ELMO1: variants seen among roughly 807,000 people sequenced by gnomAD.
The protein encoded by ELMO1 is engulfment and cell motility protein 1.
ELMO1 carries 26 observed loss-of-function variants against 98.9 expected under a neutral mutation model. That is an observed-to-expected ratio of 0.26 (90% CI 0.19 to 0.36). ELMO1 has a LOEUF of 0.36. Among genes scored for constraint, ELMO1 ranks in the 10% least tolerant of loss-of-function variants. ELMO1 has a pLI of 1.00. For missense variants in ELMO1, 627 were observed against 935.2 expected, an observed-to-expected ratio of 0.67 and a Z score of 4.30; for synonymous variants, 346 against 346.0, an observed-to-expected ratio of 1.00 and a Z score of 0.00.
chr7:37,402,050 G>C (rs111979731), intron 1 of ELMO1, among the ~76,000 whole-genome samples: 5 of 152,246 alleles, frequency 3.3e-5, no homozygotes, highest in African/African-American at 1.2e-4. Context: ...CAGGTCTTTC[G>C]TTCCCTATGA....
intron 13 of ELMO1, among the ~76,000 whole-genome samples, chr7:37,161,977 G>A (rs2129330148): frequency 7.9e-6 from 1 of 126,422 alleles, no homozygotes; most frequent in East Asian, 2.4e-4. Flanking sequence ...CAAGTGAGGT[G>A]AGTTTGTAAA....
intron 16 of ELMO1, among the ~76,000 whole-genome samples, chr7:36,995,935 G>A (rs1390723563): frequency 1.3e-5 from 2 of 152,140 alleles, no homozygotes; most frequent in East Asian, 3.9e-4. Context: ...CCATGCAGAG[G>A]GGTGTAATTG....
intron 15 of ELMO1, among the ~76,000 whole-genome samples, chr7:37,045,450 T>C (rs566975118): frequency 6.6e-5 from 10 of 152,338 alleles, no homozygotes; most frequent in African/African-American, 2.4e-4. Context: ...AGAACTTATA[T>C]GGCATGTTAT....
chr7:37,419,059 G>C (rs996859020), intron 1 of ELMO1, among the ~76,000 whole-genome samples: 4 of 152,152 alleles, frequency 2.6e-5, no homozygotes, highest in African/African-American at 9.7e-5. Flanking sequence ...AGCCCGCAGA[G>C]GAGGATGCTG....
chr7:37,358,644 C>G (rs1015348067), intron 1 of ELMO1, among the ~76,000 whole-genome samples: 2 of 152,162 alleles, frequency 1.3e-5, no homozygotes, highest in African/African-American at 2.4e-5. Context: ...TCTTACTTTT[C>G]TCAGCCTTTC....
intron 4 of ELMO1, among the ~76,000 whole-genome samples, chr7:37,295,966 T>A (rs1256824772): frequency 6.6e-6 from 1 of 152,222 alleles, no homozygotes; most frequent in East Asian, 1.9e-4. Flanking sequence ...GTGAATACAT[T>A]CCCACCGTGT....
intron 16 of ELMO1, among the ~76,000 whole-genome samples, chr7:36,935,404 T>G (rs577069293): frequency 3.3e-5 from 5 of 151,476 alleles, no homozygotes; most frequent in Non-Finnish European, 7.4e-5. Context: ...GCCTTGTCCC[T>G]TCTAAAAAAA....
At chr7:37,087,913 G>A (rs953923264) in intron 15 of ELMO1, among the ~76,000 whole-genome samples, 3 of 152,182 alleles carry the variant, frequency 2.0e-5, no homozygotes, top group Non-Finnish European at 4.4e-5. Context: ...TTCTGAGGGA[G>A]CTGTAATGCC....
intron 16 of ELMO1, among the ~76,000 whole-genome samples, chr7:36,994,282 T>C (rs1792055344): frequency 6.6e-6 from 1 of 152,222 alleles, no homozygotes; most frequent in African/African-American, 2.4e-5. Context: ...CTCCCTTAAA[T>C]AAAGTTCTTC....
chr7:37,124,445 T>C (rs570457414), intron 14 of ELMO1, among the ~76,000 whole-genome samples: 575 of 152,290 alleles, frequency 3.8e-3, no homozygotes, highest in Middle Eastern at 6.8e-3. Flanking sequence ...AGTCTCAGGA[T>C]ACAAAATCAA....
intron 1 of ELMO1, among the ~76,000 whole-genome samples, chr7:37,397,099 C>T (rs73116797): frequency 1.3e-5 from 2 of 152,110 alleles, no homozygotes; most frequent in Admixed American, 6.5e-5. Flanking sequence ...CAGCCACAGT[C>T]GTAAACTGTA....
chr7:37,013,509 T>C, intron 15 of ELMO1, 74 bp from the exon 16 acceptor site: 1 of 1,550,136 alleles, frequency 6.5e-7, no homozygotes, highest in Middle Eastern at 1.7e-4. Flanking sequence ...CACAGGTATG[T>C]GCCCCAAAGG....
At chr7:37,065,067 A>T (rs1319905830) in intron 15 of ELMO1, among the ~76,000 whole-genome samples, 1 of 152,028 alleles carries the variant, frequency 6.6e-6, no homozygotes, top group African/African-American at 2.4e-5. Context: ...TCACTCCCAA[A>T]CACCACCATG....
At chr7:37,186,292 A>G (rs1791198613) in intron 13 of ELMO1, among the ~76,000 whole-genome samples, 2 of 152,194 alleles carry the variant, frequency 1.3e-5, no homozygotes, top group Non-Finnish European at 2.9e-5. Context: ...TCCTTATGCC[A>G]TACACAATTA....
chr7:36,874,794 A>G (rs1448058201), intron 19 of ELMO1, among the ~76,000 whole-genome samples: 2 of 152,202 alleles, frequency 1.3e-5, no homozygotes, highest in African/African-American at 4.8e-5. Flanking sequence ...GGGGGCTATG[A>G]CAACCTGTAA....
At chr7:37,448,172 C>G (rs992446850) in intron 1 of ELMO1, among the ~76,000 whole-genome samples, 3 of 152,014 alleles carry the variant, frequency 2.0e-5, no homozygotes, top group East Asian at 3.9e-4. Context: ...CCTCCCATCC[C>G]CGAGTGCAGG....
intron 14 of ELMO1, among the ~76,000 whole-genome samples, chr7:37,103,420 C>A (rs1000164178): frequency 6.7e-6 from 1 of 148,896 alleles, no homozygotes; most frequent in South Asian, 2.1e-4. Context: ...ATCGCAAGGA[C>A]AAAAAACCAA....
chr7:36,877,970 C>A (rs201229769), intron 19 of ELMO1, 40 bp downstream of exon 19: 1 of 1,508,852 alleles, frequency 6.6e-7, no homozygotes, highest in East Asian at 2.3e-5. Context: ...AAACAACCAA[C>A]CGACCACCAC....
At chr7:36,946,804 C>T (rs1386411712) in intron 16 of ELMO1, among the ~76,000 whole-genome samples, 1 of 152,170 alleles carries the variant, frequency 6.6e-6, no homozygotes, top group Non-Finnish European at 1.5e-5. Flanking sequence ...CACCTTCTTC[C>T]TCGGTGAGAT....
Sources: gnomAD v4.1 joint callset for allele counts (sites outside exome capture counted in the v4.1 genomes callset) on GRCh38, gnomAD v4.1.1 for gene constraint, MANE v1.5 for transcripts, NCBI Gene and HGNC (gene_info 2026-07-23, HGNC 2026-07-21) for gene names.